The following RPS6KA2 variants were observed in gnomAD, a reference collection of about 807,000 sequenced individuals.
RPS6KA2 encodes the protein ribosomal protein S6 kinase A2.
RPS6KA2 carries 42 observed loss-of-function variants against 91.8 expected under a neutral mutation model. The ratio of observed to expected loss-of-function variants is 0.46; its 90% CI spans 0.36 to 0.59. The LOEUF (loss-of-function observed/expected upper bound fraction) is 0.59, where lower values mean the gene tolerates loss of function less well. Among genes scored for constraint, RPS6KA2 ranks in the 20% least tolerant of loss-of-function variants. RPS6KA2 has a pLI of 0.00. For missense variants in RPS6KA2, 798 were observed against 978.5 expected (o/e 0.82, Z 2.46); for synonymous variants, 414 against 393.6 (o/e 1.05, Z -0.61).
At chr6:166,822,211 G>T (rs1289404330) in intron 2 of RPS6KA2, among the ~76,000 whole-genome samples, 4 of 152,206 alleles carry the variant, frequency 2.6e-5, no homozygotes, top group Non-Finnish European at 4.4e-5. Flanking sequence ...ATATGTCCCT[G>T]CAAACTTCCT....
intron 2 of RPS6KA2, among the ~76,000 whole-genome samples, chr6:166,646,239 A>G (rs1438668853): frequency 2.6e-5 from 4 of 152,232 alleles, no homozygotes; most frequent in African/African-American, 4.8e-5. Context: ...TCGGTTCCAC[A>G]TGGACCAGCT....
At chr6:166,796,365 C>G (rs1220935295) in intron 2 of RPS6KA2, among the ~76,000 whole-genome samples, 1 of 152,036 alleles carries the variant, frequency 6.6e-6, no homozygotes, top group East Asian at 1.9e-4. Context: ...CCGAGGCGGG[C>G]GGATCACGAG....
chr6:166,509,592 G>A (rs973537561), intron 4 of RPS6KA2, among the ~76,000 whole-genome samples: 1 of 152,216 alleles, frequency 6.6e-6, no homozygotes, highest in South Asian at 2.1e-4. Flanking sequence ...TAGTTTTGTT[G>A]CTGTTCCCTT....
intron 1 of RPS6KA2, among the ~76,000 whole-genome samples, chr6:166,859,773 G>A (rs1404903941): frequency 6.6e-6 from 1 of 152,200 alleles, no homozygotes; most frequent in Non-Finnish European, 1.5e-5. Flanking sequence ...AGCTTGAAAA[G>A]GTGGTTAGAG....
chr6:166,575,392 A>G (rs149083443), intron 1 of RPS6KA2, among the ~76,000 whole-genome samples: 14 of 152,262 alleles, frequency 9.2e-5, no homozygotes, highest in Admixed American at 2.6e-4. Context: ...CGAGCACGAG[A>G]GGGCACCTTT....
At chr6:166,762,503 G>T (rs1778204806) in intron 2 of RPS6KA2, among the ~76,000 whole-genome samples, 1 of 152,312 alleles carries the variant, frequency 6.6e-6, no homozygotes, top group East Asian at 1.9e-4. Flanking sequence ...GTTCTTAAGT[G>T]AAAGTATCTT....
intron 1 of RPS6KA2, among the ~76,000 whole-genome samples, chr6:166,555,651 G>A (rs1465453966): frequency 6.6e-6 from 1 of 152,026 alleles, no homozygotes; most frequent in Non-Finnish European, 1.5e-5. Context: ...GTATCTCGGT[G>A]TACTGACTCC....
At chr6:166,475,345 G>A (rs553097942) in intron 10 of RPS6KA2, among the ~76,000 whole-genome samples, 32 of 152,252 alleles carry the variant, frequency 2.1e-4, no homozygotes, top group African/African-American at 6.7e-4. Flanking sequence ...AGCGTGGCCC[G>A]GCCCCTGGCT....
At chr6:166,413,697 T>A in intron 20 of RPS6KA2, 97 bp downstream of exon 20, 1 of 1,332,606 alleles carries the variant, frequency 7.5e-7, no homozygotes, top group East Asian at 2.4e-5. Context: ...GCTCTTTCTC[T>A]GCACTCTGTG....
At chr6:166,414,851 G>C (rs985975865) in intron 19 of RPS6KA2, among the ~76,000 whole-genome samples, 1 of 152,214 alleles carries the variant, frequency 6.6e-6, no homozygotes, top group African/African-American at 2.4e-5. Context: ...GATCACTTGA[G>C]GTTAGGAGTT....
At chr6:166,514,140 G>A (rs1375282223) in intron 3 of RPS6KA2, among the ~76,000 whole-genome samples, 1 of 152,200 alleles carries the variant, frequency 6.6e-6, no homozygotes, top group Non-Finnish European at 1.5e-5. Flanking sequence ...TCAGACAGCT[G>A]AATGGTGAGG....
intron 2 of RPS6KA2, among the ~76,000 whole-genome samples, chr6:166,708,576 C>G (rs933559621): frequency 6.6e-6 from 1 of 152,150 alleles, no homozygotes; most frequent in Non-Finnish European, 1.5e-5. Flanking sequence ...GCCTTGGAAC[C>G]CTGGCAAAAG....
intron 16 of RPS6KA2, among the ~76,000 whole-genome samples, chr6:166,424,493 G>C (rs1220854216): frequency 6.6e-6 from 1 of 152,216 alleles, no homozygotes; most frequent in Non-Finnish European, 1.5e-5. Flanking sequence ...GGAAGAGATG[G>C]CGCACAGAGG....
intron 2 of RPS6KA2, among the ~76,000 whole-genome samples, chr6:166,752,014 A>G (rs981889400): frequency 6.6e-6 from 1 of 152,268 alleles, no homozygotes. Context: ...CAAAGGGGCC[A>G]GCACAGGCCA....
intron 2 of RPS6KA2, among the ~76,000 whole-genome samples, chr6:166,847,454 C>T (rs1312232938): frequency 1.3e-5 from 2 of 152,084 alleles, no homozygotes; most frequent in Non-Finnish European, 2.9e-5. Flanking sequence ...ATAGCCAAAG[C>T]AAGACTAAGC....
At chr6:166,761,244 CA>C (rs1778162545) in intron 2 of RPS6KA2, among the ~76,000 whole-genome samples, 1 of 152,098 alleles carries the variant, frequency 6.6e-6, no homozygotes, top group African/African-American at 2.4e-5. Context: ...AGGATTTCAC[CA>C]TGTTGCCCGG....
intron 2 of RPS6KA2, among the ~76,000 whole-genome samples, chr6:166,721,188 T>C (rs538519532): frequency 2.0e-5 from 3 of 152,276 alleles, no homozygotes; most frequent in Admixed American, 6.5e-5. Context: ...AAAACATCTA[T>C]GGATAAGGAC....
chr6:166,427,498 G>A (rs1245529190), intron 16 of RPS6KA2, among the ~76,000 whole-genome samples: 1 of 152,072 alleles, frequency 6.6e-6, no homozygotes, highest in African/African-American at 2.4e-5. Context: ...ATTAGGAAAA[G>A]AGGAAGTCAA....
rs1781418966 is a variant in RPS6KA2, at chr6:166,486,608, G to A, written c.907+2225C>T. Among the ~76,000 whole-genome samples, 6 of 152,264 alleles carry A rather than the reference G, an allele frequency of 3.9e-5. No individual in the cohort carries two copies. The South Asian group carries it at 1.2e-3, about 31-fold the overall frequency. ...GTTTTCATCCAATGCACTGGACACA[G>A]TCCTTTCCACAGACACCAGCATGGG... On this transcript the variant is annotated intron_variant, in intron 10 of 20. Coordinates refer to ENST00000265678, the MANE Select transcript of RPS6KA2 (RefSeq NM_021135.6).
Sources: allele counts gnomAD v4.1 joint callset (sites outside exome capture counted in the v4.1 genomes callset), GRCh38; gene constraint gnomAD v4.1.1; transcripts MANE v1.5; gene names NCBI Gene and HGNC (gene_info 2026-07-23, HGNC 2026-07-21).